The following PARL variants were observed in gnomAD, a reference collection of about 807,000 sequenced individuals.
PARL encodes the protein presenilin associated rhomboid like.
Under a neutral mutation model 51.6 loss-of-function variants are expected in PARL, and 44 were observed. The ratio of observed to expected loss-of-function variants is 0.85; its 90% CI spans 0.67 to 1.10. PARL has a LOEUF of 1.10. Among genes scored for constraint, PARL ranks in the 50% least tolerant of loss-of-function variants. The pLI is 0.00. For synonymous variants in PARL, 172 were observed against 164.0 expected (o/e 1.05, Z -0.37); for missense variants, 441 against 469.5 (o/e 0.94, Z 0.56).
At chr3:183,846,587 A>C in intron 4 of PARL, 1 of 985,404 alleles carries the variant, frequency 1.0e-6, no homozygotes, top group Non-Finnish European at 1.2e-6. Context: ...CAAACGCAAG[A>C]AGCTTTTCTG....
intron 4 of PARL, among the ~76,000 whole-genome samples, chr3:183,846,946 T>C (rs1012389094): frequency 6.6e-6 from 1 of 152,232 alleles, no homozygotes; most frequent in Non-Finnish European, 1.5e-5. Context: ...CCTAATCTAG[T>C]GCTCTTTCTA....
chr3:183,837,843 G>A (rs527889411), intron 7 of PARL, among the ~76,000 whole-genome samples: 29 of 152,252 alleles, frequency 1.9e-4, no homozygotes, highest in Admixed American at 3.9e-4. Flanking sequence ...CGGGTGTAGT[G>A]GCTCACACCA....
intron 5 of PARL, among the ~76,000 whole-genome samples, chr3:183,843,755 C>T (rs1286893712): frequency 1.3e-5 from 2 of 151,092 alleles, no homozygotes; most frequent in Non-Finnish European, 3.0e-5. Context: ...GGCATGAACC[C>T]GGGAGGCGGA....
chr3:183,841,891 G>T (rs1729361021), intron 6 of PARL, among the ~76,000 whole-genome samples: 4 of 152,140 alleles, frequency 2.6e-5, no homozygotes, highest in Non-Finnish European at 5.9e-5. Flanking sequence ...GGGGAAATGA[G>T]CTTGCTTAAG....
At chr3:183,879,278 G>T (rs750613241) in intron 1 of PARL, among the ~76,000 whole-genome samples, 1 of 152,206 alleles carries the variant, frequency 6.6e-6, no homozygotes, top group Non-Finnish European at 1.5e-5. Context: ...AGGGATTCAA[G>T]GATGGGCACC....
At chr3:183,833,422 G>A in intron 9 of PARL, 70 bp downstream of exon 9, 1 of 908,780 alleles carries the variant, frequency 1.1e-6, no homozygotes, top group Non-Finnish European at 1.8e-6. Flanking sequence ...GGGGGGTAGG[G>A]GTGAGGCTGG....
intron 4 of PARL, among the ~76,000 whole-genome samples, chr3:183,845,898 T>C (rs1490436434): frequency 3.3e-5 from 5 of 152,218 alleles, no homozygotes; most frequent in Non-Finnish European, 5.9e-5. Context: ...GACCTGAGAA[T>C]GGTCTGGCCA....
chr3:183,871,890 A>G (rs1733258377), intron 1 of PARL, among the ~76,000 whole-genome samples: 1 of 152,234 alleles, frequency 6.6e-6, no homozygotes, highest in South Asian at 2.1e-4. Context: ...AAAGTATTTA[A>G]AAGAATGCTC....
downstream of PARL, chr3:183,826,811 G>A: frequency 1.0e-6 from 1 of 984,050 alleles, no homozygotes; most frequent in Non-Finnish European, 1.2e-6. Flanking sequence ...TAGCCAGCCT[G>A]GCAGATGGCG....
At chr3:183,839,792 G>A (rs934374690) in intron 7 of PARL, among the ~76,000 whole-genome samples, 1 of 151,984 alleles carries the variant, frequency 6.6e-6, no homozygotes, top group Non-Finnish European at 1.5e-5. Context: ...GGGTGCAGTG[G>A]TACAATCACA....
At chr3:183,832,222 CTTTT>C (rs879877473) in intron 9 of PARL, among the ~76,000 whole-genome samples, 1 of 142,852 alleles carries the variant, frequency 7.0e-6, no homozygotes, top group Non-Finnish European at 1.5e-5. Context: ...ATAGATTTTT[CTTTT>C]TTTTTTTTTT....
chr3:183,834,886 C>CAAA (rs60078452), intron 7 of PARL, among the ~76,000 whole-genome samples: 14,313 of 107,796 alleles, frequency 0.13, 980 homozygotes, highest in East Asian at 0.32. Context: ...ACTAAAAATA[C>CAAA]AAAAAAAAAA....
chr3:183,841,032 G>A (rs530106491), intron 6 of PARL, among the ~76,000 whole-genome samples: 1 of 152,186 alleles, frequency 6.6e-6, no homozygotes, highest in East Asian at 1.9e-4. Flanking sequence ...TCTGCTGAGC[G>A]ACACGGTCAT....
chr3:183,881,402 G>A lies in PARL; in HGVS notation c.125+3320C>T, dbSNP rs141114656. 4.4e-3 allele frequency among the ~76,000 whole-genome samples: 673 copies of A among 152,322 alleles called. 1 individual carries two copies. The highest frequency in any genetic ancestry group is 0.015 in the African/African-American group (638 of 41,562). The stretch of plus-strand genomic sequence containing the variant: ...CTCCCAAAGTGCTGGGATTACAGGC[G>A]TGAGCCACTATGCCCAGCCTGTGCA... On this transcript the variant is annotated intron_variant, in intron 1 of 9. Coordinates refer to ENST00000317096, the MANE Select transcript of PARL (RefSeq NM_018622.7).
intron 1 of PARL, chr3:183,883,626 C>A: frequency 1.0e-6 from 1 of 985,334 alleles, no homozygotes; most frequent in Non-Finnish European, 1.2e-6. Flanking sequence ...GGGATTACCA[C>A]CTCCATCTGT....
At chr3:183,854,759 A>C (rs1486287853) in intron 4 of PARL, among the ~76,000 whole-genome samples, 1 of 151,774 alleles carries the variant, frequency 6.6e-6, no homozygotes, top group African/African-American at 2.4e-5. Flanking sequence ...AAAAAAAAAA[A>C]AAACAGTTAC....
chr3:183,833,024 G>T (rs1315991227), intron 9 of PARL, among the ~76,000 whole-genome samples: 2 of 152,194 alleles, frequency 1.3e-5, no homozygotes, highest in Non-Finnish European at 2.9e-5. Context: ...GGTCCACATT[G>T]GTTTGCAGTC....
At chr3:183,871,651 A>G (rs1733231000) in intron 1 of PARL, among the ~76,000 whole-genome samples, 1 of 152,172 alleles carries the variant, frequency 6.6e-6, no homozygotes, top group Non-Finnish European at 1.5e-5. Flanking sequence ...TGTGACTTCC[A>G]TTGCTAAGAA....
intron 7 of PARL, among the ~76,000 whole-genome samples, chr3:183,838,729 C>T (rs1377294067): frequency 6.6e-6 from 1 of 152,134 alleles, no homozygotes; most frequent in Non-Finnish European, 1.5e-5. Context: ...CAGGATTCAC[C>T]CCCACTCTAA....
Sources: allele counts gnomAD v4.1 joint callset (sites outside exome capture counted in the v4.1 genomes callset), GRCh38; gene constraint gnomAD v4.1.1; transcripts MANE v1.5; gene names NCBI Gene and HGNC (gene_info 2026-07-23, HGNC 2026-07-21).